MDN1: variants seen among roughly 807,000 people sequenced by gnomAD.
The protein encoded by MDN1 is midasin.
A neutral mutation model predicts 669.2 loss-of-function variants in MDN1; 266 were observed. That is an observed-to-expected ratio of 0.40 (90% CI 0.36 to 0.44). The LOEUF (loss-of-function observed/expected upper bound fraction) is 0.44, where lower values mean the gene tolerates loss of function less well. Among genes scored for constraint, MDN1 ranks in the 20% least tolerant of loss-of-function variants. The probability of loss-of-function intolerance (pLI) is 1.00; values close to 1 mark genes in which losing one functional copy is unlikely to be tolerated. For synonymous variants in MDN1, 2,385 were observed against 2,457.1 expected (o/e 0.97, Z 0.87); for missense variants, 5,940 against 6,754.0 (o/e 0.88, Z 4.22).
intron 1 of MDN1, among the ~76,000 whole-genome samples, chr6:89,804,878 C>A (rs907205014): frequency 6.6e-6 from 1 of 150,588 alleles, no homozygotes; most frequent in Non-Finnish European, 1.5e-5. Context: ...ACTAAAAATA[C>A]AAAAAAAATT....
intron 59 of MDN1, 82 bp downstream of exon 59, chr6:89,698,783 A>G (rs1417040622): frequency 1.4e-6 from 2 of 1,419,412 alleles, no homozygotes; most frequent in Admixed American, 1.9e-5. Flanking sequence ...ACTCTATGCT[A>G]GGAATAAATG....
chr6:89,739,161 T>C (rs1205284583), intron 32 of MDN1, among the ~76,000 whole-genome samples: 1 of 152,198 alleles, frequency 6.6e-6, no homozygotes, highest in African/African-American at 2.4e-5. Context: ...CTCATCAGTA[T>C]CATAGACAAC....
In MDN1 at chr6:89,787,856, C is replaced by T. The variant is rs539186758; in HGVS notation, c.1332G>A (p.Arg444=). The change falls in exon 8 of 102, where the codon AGG becomes AGA. Residue 444 remains arginine, a splice_region_variant and synonymous_variant. Coordinates refer to ENST00000369393, the MANE Select transcript of MDN1 (RefSeq NM_014611.3). ...ACAGAAAGGTTACTAGTACATACCT[C>T]CTGGTTGCAAAAAACTGAAATCCAG... ...VAPGFQFFAT[R]RLLSCGGNWY... The T allele has an allele frequency of 5.3e-5, 85 of 1,611,814 alleles. No individual in the cohort carries two copies. In the South Asian group the frequency reaches 9.1e-4, roughly 17 times the overall value.
intron 88 of MDN1, 46 bp downstream of exon 88, chr6:89,661,385 C>G (rs1257751575): frequency 6.3e-7 from 1 of 1,583,238 alleles, no homozygotes; most frequent in African/African-American, 1.4e-5. Flanking sequence ...AATTACTGTT[C>G]ACTAATGTGA....
Position 89,749,565 on chromosome 6 carries a change from G to A in MDN1, c.3593C>T (p.Pro1198Leu). 1 of 1,614,100 alleles carries A rather than the reference G, an allele frequency of 6.2e-7. No individual in the cohort carries two copies. The highest frequency in any genetic ancestry group is 8.5e-7 in the Non-Finnish European group (1 of 1,180,000). Residue 1198 changes from proline to leucine, a missense_variant, in exon 25 of 102, where the codon CCA (proline) becomes CTA (leucine). Physicochemically the swap from Pro to Leu is moderately conservative, Grantham distance 98 (BLOSUM62 -3). Transcript: ENST00000369393. ...RFMLFATQNP[P>L]GLYGGRKVLS... ...TACCTTTCTGCCTCCATAAAGTCCT[G>A]GGGGATTTTGGGTGGCAAAAAGCAT... is the stretch of plus-strand genomic sequence containing the variant.
In MDN1 at chr6:89,758,839, A is replaced by G. The variant is rs778699300; in HGVS notation, c.2582T>C (p.Val861Ala). 1.2e-6 allele frequency: 2 copies of G among 1,614,172 alleles called. No individual in the cohort carries two copies. The highest frequency in any genetic ancestry group is 1.7e-6 in the Non-Finnish European group (2 of 1,180,030). ...ACCTGTGTCTCCTCGATCCAGCAAC[A>G]CCAGGGATCCAGAAGATCCTTCAAG... ...GLLEGSSGSL[V>A]LLDRGDTEPL... Residue 861 changes from valine to alanine, a missense_variant, in exon 18 of 102, where the codon GTG becomes GCG. By Grantham distance (64) the Val-to-Ala change is moderately conservative. This residue lies in a region of MDN1 where 1,203 missense variants were observed against 1,268.9 expected (regional missense o/e 0.95). Coordinates refer to ENST00000369393, the MANE Select transcript of MDN1 (RefSeq NM_014611.3).
In MDN1 at chr6:89,701,966, C is replaced by A. The variant is rs1180839197; in HGVS notation, c.8244G>T (p.Trp2748Cys). The change falls in exon 54 of 102, where the codon TGG becomes TGT. Residue 2748 changes from tryptophan to cysteine, a missense_variant. This residue lies in a region of MDN1 where 2,292 missense variants were observed against 2,638.3 expected (regional missense o/e 0.87). Coordinates refer to ENST00000369393, the MANE Select transcript of MDN1 (RefSeq NM_014611.3). ...APGLALLALH[W>C]HWVLKHLVHQ... The stretch of plus-strand genomic sequence containing the variant: ...GGACCAGATGTTTTAAAACCCAGTG[C>A]CAATGGAGGGCAAGAAGGGCCAGAC... The A allele has an allele frequency of 6.2e-7, 1 of 1,613,710 alleles. No homozygotes were observed. Among genetic ancestry groups the A allele is most frequent in the East Asian group, 2.2e-5 (1 of 44,878 alleles).
Position 89,681,841 on chromosome 6 carries a change from CAG to C in MDN1, c.12103-1092_12103-1091del, listed in dbSNP as rs1811631128. 2.0e-5 allele frequency among the ~76,000 whole-genome samples: 3 copies of C among 151,982 alleles called. No individual in the cohort carries two copies. In the South Asian group the frequency reaches 6.2e-4, roughly 32 times the overall value. ...TAAAAAGTAATTTTTTTTGGAGAGA[CAG>C]GGTCTCATACGTTGCATAGGCTGGT... On this transcript the variant is annotated intron_variant, in intron 73 of 101. Coordinates refer to ENST00000369393, the MANE Select transcript of MDN1 (RefSeq NM_014611.3).
At chr6:89,750,203 C>T in intron 24 of MDN1, 151 bp downstream of exon 24, 1 of 767,168 alleles carries the variant, frequency 1.3e-6, no homozygotes, top group East Asian at 2.7e-5. Flanking sequence ...TATGCATCAC[C>T]CCTTAACTAT....
Position 89,758,901 on chromosome 6 carries a change from C to G in MDN1, c.2520G>C (p.Leu840Phe), listed in dbSNP as rs1347824290. The G allele has an allele frequency of 6.2e-7, 1 of 1,613,906 alleles. No individual in the cohort carries two copies. The change falls in exon 18 of 102, where the codon TTG becomes TTC. Residue 840 changes from leucine to phenylalanine, a missense_variant. Transcript: ENST00000369393. ...GEWILLDEIN[L>F]AAPEILECLS... Reference sequence around the variant, plus strand: ...GACATTCTAGTATTTCTGGAGCAGCCAAGTTAATCTCATCCAACAAGATCC... The same window carrying G: ...GACATTCTAGTATTTCTGGAGCAGCGAAGTTAATCTCATCCAACAAGATCC...
chr6:89,676,135 G>C lies in MDN1; in HGVS notation c.12612C>G (p.Ala4204=). 2.5e-6 allele frequency: 4 copies of C among 1,614,162 alleles called. No homozygotes were observed. In the South Asian group the frequency reaches 4.4e-5, roughly 18 times the overall value. Residue 4204 remains alanine (A), a synonymous_variant, in exon 77 of 102, where the codon GCC becomes GCG. Coordinates refer to ENST00000369393, the MANE Select transcript of MDN1 (RefSeq NM_014611.3). ...GAGTTGCTAGTGCTGCGTTAAGCCT[G>C]GCATGCCGTGCAAGAGAGCGATAAA... is the stretch of plus-strand genomic sequence containing the variant. ...KYFYRSLARH[A]RLNAALATPA...
chr6:89,757,226 C>T (rs796249332), intron 19 of MDN1, among the ~76,000 whole-genome samples: 7 of 152,242 alleles, frequency 4.6e-5, no homozygotes, highest in African/African-American at 1.7e-4. Context: ...ATGTTACATA[C>T]ATAAAACACC....
chr6:89,728,203 T>C (rs914669801), intron 36 of MDN1, among the ~76,000 whole-genome samples: 4 of 151,962 alleles, frequency 2.6e-5, no homozygotes, highest in Non-Finnish European at 5.9e-5. Flanking sequence ...GTTCTCAACA[T>C]TGGCTGTACT....
At chr6:89,712,413 A>T (rs1442392875) in intron 48 of MDN1, among the ~76,000 whole-genome samples, 157 bp from the exon 49 acceptor site, 1 of 152,218 alleles carries the variant, frequency 6.6e-6, no homozygotes, top group African/African-American at 2.4e-5. Context: ...TACCTAATAA[A>T]TAATCAATAG....
intron 32 of MDN1, among the ~76,000 whole-genome samples, chr6:89,739,747 C>T (rs1816186002): frequency 6.6e-6 from 1 of 152,172 alleles, no homozygotes; most frequent in Admixed American, 6.5e-5. Flanking sequence ...GAAAGTGACA[C>T]ACATAACCCT....
At chr6:89,768,751 GTTAAAA>G (rs938008594) in intron 15 of MDN1, among the ~76,000 whole-genome samples, 2 of 151,828 alleles carry the variant, frequency 1.3e-5, no homozygotes, top group African/African-American at 2.4e-5. Flanking sequence ...CAAAAAAAGA[GTTAAAA>G]TTAAATAAAT....
intron 89 of MDN1, 93 bp from the exon 90 acceptor site, chr6:89,658,463 C>A: frequency 6.4e-7 from 1 of 1,563,986 alleles, no homozygotes; most frequent in Non-Finnish European, 8.7e-7. Context: ...CCACTCCTCA[C>A]TAAGGGTCTT....
At position 89,670,423 on chromosome 6, in the gene MDN1, C is replaced by T. The variant is rs1393973178; in HGVS notation, c.13956+496G>A. On this transcript the variant is annotated intron_variant, in intron 83 of 101. Coordinates refer to ENST00000369393, the MANE Select transcript of MDN1 (RefSeq NM_014611.3). Reference sequence around the variant, plus strand: ...AAATTCCTGACCTCAGGTGATCCACCCGCCTCAGCCTCCCAAACTGCTGGG... The same window carrying T: ...AAATTCCTGACCTCAGGTGATCCACTCGCCTCAGCCTCCCAAACTGCTGGG... Among the ~76,000 whole-genome samples, 5 of 151,754 alleles carry T rather than the reference C, an allele frequency of 3.3e-5. No individual in the cohort carries two copies. In the East Asian group the frequency reaches 5.9e-4, roughly 18 times the overall value.
intron 3 of MDN1, 117 bp downstream of exon 3, chr6:89,794,460 C>A: frequency 1.9e-6 from 2 of 1,036,684 alleles, no homozygotes; most frequent in Non-Finnish European, 2.8e-6. Flanking sequence ...CCAAAAGCCA[C>A]AAGAACAAAA....
Sources: allele counts gnomAD v4.1 joint callset (sites outside exome capture counted in the v4.1 genomes callset), GRCh38; gene constraint gnomAD v4.1.1; regional missense constraint gnomAD v4.1.1; transcripts MANE v1.5; gene names NCBI Gene and HGNC (gene_info 2026-07-23, HGNC 2026-07-21).